The following KIAA0825 variants were observed in gnomAD, a reference collection of about 807,000 sequenced individuals.
KIAA0825 encodes the protein uncharacterized protein KIAA0825.
KIAA0825 carries 119 observed loss-of-function variants against 147.6 expected under a neutral mutation model. The ratio of observed to expected loss-of-function variants is 0.81; its 90% CI spans 0.69 to 0.94. The LOEUF is 0.94. KIAA0825 is among the 40% of genes least tolerant of loss of function. The pLI is 0.00. For missense variants in KIAA0825, 1,381 were observed against 1,472.7 expected, an observed-to-expected ratio of 0.94 and a Z score of 1.02; for synonymous variants, 470 against 518.1, an observed-to-expected ratio of 0.91 and a Z score of 1.26.
At chr5:94,389,844 T>G in intron 18 of KIAA0825, among the ~76,000 whole-genome samples, 1 of 152,224 alleles carries the variant, frequency 6.6e-6, no homozygotes, top group East Asian at 1.9e-4. Context: ...TACCTTTCTT[T>G]GCCTCTAGCC....
At chr5:94,451,617 A>G (rs1216223731) in intron 13 of KIAA0825, among the ~76,000 whole-genome samples, 2 of 152,208 alleles carry the variant, frequency 1.3e-5, no homozygotes, top group African/African-American at 4.8e-5. Context: ...AGATATAGAA[A>G]AGAGAAAGAA....
chr5:94,221,769 G>A (rs1364604654), intron 20 of KIAA0825, among the ~76,000 whole-genome samples: 3 of 152,104 alleles, frequency 2.0e-5, no homozygotes, highest in Admixed American at 6.6e-5. Flanking sequence ...AGTTCCTCCT[G>A]TTATTGGAGG....
intron 15 of KIAA0825, among the ~76,000 whole-genome samples, chr5:94,411,827 G>C (rs1752806301): frequency 1.3e-5 from 2 of 151,874 alleles, no homozygotes; most frequent in Admixed American, 1.3e-4. Flanking sequence ...CGTGCCTGTA[G>C]TCCCAGCTAC....
At chr5:94,262,998 G>A (rs1310745037) in intron 20 of KIAA0825, among the ~76,000 whole-genome samples, 1 of 152,124 alleles carries the variant, frequency 6.6e-6, no homozygotes, top group East Asian at 1.9e-4. Flanking sequence ...ACACCCAGAA[G>A]CCAAACTAGA....
chr5:94,341,453 G>A (rs961900783), intron 20 of KIAA0825, among the ~76,000 whole-genome samples: 1 of 152,154 alleles, frequency 6.6e-6, no homozygotes, highest in Non-Finnish European at 1.5e-5. Context: ...TTATCATGGA[G>A]TACACCTAGC....
At chr5:94,563,992 T>C (rs1223772985) in intron 2 of KIAA0825, among the ~76,000 whole-genome samples, 1 of 152,062 alleles carries the variant, frequency 6.6e-6, no homozygotes, top group Non-Finnish European at 1.5e-5. Flanking sequence ...CCCTGAGCAT[T>C]TCCTTTATAA....
intron 1 of KIAA0825, among the ~76,000 whole-genome samples, chr5:94,602,597 T>A (rs1206684375): frequency 6.6e-6 from 1 of 152,110 alleles, no homozygotes; most frequent in Non-Finnish European, 1.5e-5. Context: ...AGTGAGTGAG[T>A]TCTCACAAGA....
At chr5:94,292,239 T>G (rs1035410709) in intron 20 of KIAA0825, among the ~76,000 whole-genome samples, 5 of 152,180 alleles carry the variant, frequency 3.3e-5, no homozygotes, top group African/African-American at 1.2e-4. Flanking sequence ...ATACTGGCTG[T>G]CGGTTTGTCA....
intron 5 of KIAA0825, among the ~76,000 whole-genome samples, chr5:94,499,782 A>G (rs2151110794): frequency 6.6e-6 from 1 of 152,322 alleles, no homozygotes; most frequent in African/African-American, 2.4e-5. Context: ...CTCCTGTCAT[A>G]TATTAGGCAG....
At position 94,403,602 on chromosome 5, in the gene KIAA0825, G is replaced by A; in HGVS notation, c.2854C>T (p.Pro952Ser). ...ESMPKEWNYS[P>S]KETNRKESCK... Reference sequence around the variant, plus strand: ...GATTCTTTCCTGTTAGTTTCTTTTGGACTATAATTCCATTCCTTTGGCATG... The same window carrying A: ...GATTCTTTCCTGTTAGTTTCTTTTGAACTATAATTCCATTCCTTTGGCATG... Residue 952 changes from proline to serine, a missense_variant, in exon 16 of 21, where the codon CCA becomes TCA. Coordinates refer to ENST00000682413, the MANE Select transcript of KIAA0825 (RefSeq NM_001145678.3). 1 of 1,551,316 alleles carries A rather than the reference G, an allele frequency of 6.4e-7. No individual in the cohort carries two copies. The highest frequency in any genetic ancestry group is 2.0e-5 in the Admixed American group (1 of 50,966).
chr5:94,257,274 G>T (rs992303159), intron 20 of KIAA0825, among the ~76,000 whole-genome samples: 5 of 152,058 alleles, frequency 3.3e-5, no homozygotes, highest in African/African-American at 1.2e-4. Flanking sequence ...TTCATTACAT[G>T]CTTCCAGGAT....
intron 14 of KIAA0825, 57 bp downstream of exon 14, chr5:94,439,925 T>A (rs1584495775): frequency 6.7e-7 from 1 of 1,497,548 alleles, no homozygotes; most frequent in Non-Finnish European, 9.0e-7. Context: ...AAAATGTTAT[T>A]CAACTCGAGC....
intron 20 of KIAA0825, among the ~76,000 whole-genome samples, chr5:94,332,976 G>A (rs931425142): frequency 1.3e-5 from 2 of 152,164 alleles, no homozygotes; most frequent in South Asian, 4.1e-4. Context: ...CTAATGACCA[G>A]TGATGATGAG....
intron 11 of KIAA0825, among the ~76,000 whole-genome samples, chr5:94,463,767 T>G (rs947166834): frequency 6.6e-6 from 1 of 151,732 alleles, no homozygotes; most frequent in Non-Finnish European, 1.5e-5. Flanking sequence ...TACTACCCAT[T>G]TCTACTTATT....
At chr5:94,390,911 C>T (rs2150558132) in intron 18 of KIAA0825, among the ~76,000 whole-genome samples, 1 of 152,196 alleles carries the variant, frequency 6.6e-6, no homozygotes, top group Non-Finnish European at 1.5e-5. Flanking sequence ...AATTCAAAAC[C>T]TGATTAAGTT....
At chr5:94,376,690 A>T (rs964521438) in intron 20 of KIAA0825, among the ~76,000 whole-genome samples, 3 of 152,204 alleles carry the variant, frequency 2.0e-5, no homozygotes, top group Non-Finnish European at 4.4e-5. Context: ...GTTTGAGAAG[A>T]TACAGTGATG....
rs1562283931 is a variant in KIAA0825, at chr5:94,152,843, AAAAAAAAAAAAAT to A, written c.*1151_*1163del. ...AATGAAAAAAAAAAAAAAAAAAAAA[AAAAAAAAAAAAAT>A]TATATATATATATATATATATATAT... is the stretch of plus-strand genomic sequence containing the variant. On this transcript the variant is annotated 3_prime_UTR_variant, in exon 21 of 21. Transcript: ENST00000682413. 9 of 35,678 alleles carry A rather than the reference AAAAAAAAAAAAAT, an allele frequency of 2.5e-4. No individual in the cohort carries two copies. Among genetic ancestry groups the A allele is most frequent in the Non-Finnish European group, 4.4e-4 (8 of 18,222 alleles). The allele number at this position is 35,678 out of a possible 1,614,324, so 2.2% of individuals were successfully genotyped here. A position where few individuals can be genotyped will look rare whatever the true frequency, so the allele number is the denominator to read the frequency against.
chr5:94,341,610 T>G (rs1186584483), intron 20 of KIAA0825, among the ~76,000 whole-genome samples: 1 of 152,186 alleles, frequency 6.6e-6, no homozygotes, highest in Non-Finnish European at 1.5e-5. Context: ...GTGTTAGCAT[T>G]TTCATGCAGC....
At chr5:94,356,657 T>C (rs1022310776) in intron 20 of KIAA0825, among the ~76,000 whole-genome samples, 1 of 150,926 alleles carries the variant, frequency 6.6e-6, no homozygotes, top group Non-Finnish European at 1.5e-5. Context: ...CATATTCATT[T>C]GAAAATTTCA....
Sources: gnomAD v4.1 joint callset for allele counts (sites outside exome capture counted in the v4.1 genomes callset) on GRCh38, gnomAD v4.1.1 for gene constraint, MANE v1.5 for transcripts, NCBI Gene and HGNC (gene_info 2026-07-23, HGNC 2026-07-21) for gene names.